The following FRMPD3 variants were observed in gnomAD, a reference collection of about 807,000 sequenced individuals.
FRMPD3 encodes FERM and PDZ domain containing 3.
FRMPD3 carries 42 observed loss-of-function variants against 97.9 expected under a neutral mutation model. The observed-to-expected ratio is 0.43, with a 90% CI of 0.34 to 0.55. FRMPD3 has a LOEUF of 0.55. Among genes scored for constraint, FRMPD3 ranks in the 20% least tolerant of loss-of-function variants. FRMPD3 has a pLI of 0.03. For synonymous variants in FRMPD3, 577 were observed against 581.1 expected, an observed-to-expected ratio of 0.99 and a Z score of 0.10; for missense variants, 1,303 against 1,457.7, an observed-to-expected ratio of 0.89 and a Z score of 1.73.
intron 13 of FRMPD3, among the ~76,000 whole-genome samples, chrX:107,590,351 A>AAAAG (rs200194961): frequency 0.069 from 7,530 of 108,981 alleles, 516 homozygotes; most frequent in African/African-American, 0.2. Flanking sequence ...GACTAAAAAG[A>AAAAG]AAAGAAAGAA....
chrX:107,494,616 A>T lies in FRMPD3; in HGVS notation c.-7-31966A>T, dbSNP rs187622697. Among the ~76,000 whole-genome samples the T allele has an allele frequency of 5.9e-4, 66 of 111,178 alleles. 1 individual carries two copies. Among genetic ancestry groups the T allele is most frequent in the Non-Finnish European group, 9.1e-4 (48 of 52,945 alleles). The stretch of plus-strand genomic sequence containing the variant: ...TGGGTGTAGATGAGTAATAGCTATA[A>T]TTTCTTGAGCAGTTATTAAGTGCTG... On this transcript the variant is annotated intron_variant, in intron 1 of 14. Transcript: ENST00000683843.
chrX:107,576,472 C>T lies in FRMPD3; in HGVS notation c.1441+13C>T. 1 of 1,208,209 alleles carries T rather than the reference C, an allele frequency of 8.3e-7. No individual in the cohort carries two copies. The highest frequency in any genetic ancestry group is 1.1e-6 in the Non-Finnish European group (1 of 894,331). ...ATGATCAAGGCAGGTAGGGCTCAAC[C>T]TCGGTTGGTTTTTGCTGTGCCAGAG... is the stretch of plus-strand genomic sequence containing the variant. On this transcript the variant is annotated intron_variant, in intron 13 of 14. Transcript: ENST00000683843.
At chrX:107,592,471 G>A (rs930211272) in intron 13 of FRMPD3, among the ~76,000 whole-genome samples, 2 of 111,262 alleles carry the variant, frequency 1.8e-5, no homozygotes, top group Admixed American at 1.9e-4. Flanking sequence ...AAAGTGCTGG[G>A]ATTACAGACA....
intron 1 of FRMPD3, among the ~76,000 whole-genome samples, chrX:107,453,071 T>A (rs1055492157): frequency 9.0e-6 from 1 of 111,065 alleles, no homozygotes; most frequent in Non-Finnish European, 1.9e-5. Context: ...GCATAAATGA[T>A]TGGACTCCGT....
rs796610991 is a variant in FRMPD3 at position 107,572,908 on chromosome X, C to CTACTACTACTACTACTAA, written c.1297-3405_1297-3404insCTACTACTACTACTAATA. On this transcript the variant is annotated intron_variant, in intron 12 of 14. Coordinates refer to ENST00000683843, the MANE Select transcript of FRMPD3 (RefSeq NM_001388459.1). ...ACTACTACTACTACTACTACTACTACTAATAATAATAATAATAATAAAGTA... is the reference window on the plus strand; with the variant it reads ...ACTACTACTACTACTACTACTACTACTACTACTACTACTACTAATAATAATAATAATAATAATAAAGTA... 5.5e-3 allele frequency among the ~76,000 whole-genome samples: 560 copies of CTACTACTACTACTACTAA among 100,950 alleles called. 5 individuals are homozygous for CTACTACTACTACTACTAA. Among genetic ancestry groups the CTACTACTACTACTACTAA allele is most frequent in the African/African-American group, 0.02 (527 of 26,724 alleles). 87.7% of individuals were successfully genotyped at this position (100,950 alleles called of 115,157 possible).
In FRMPD3 at chrX:107,603,430, T is replaced by C; in HGVS notation, c.*57T>C. On this transcript the variant is annotated 3_prime_UTR_variant, in exon 15 of 15. Coordinates refer to ENST00000683843, the MANE Select transcript of FRMPD3 (RefSeq NM_001388459.1). ...ACCATGGCCCCAGGTTTGAGCTTTG[T>C]GGTCCTTGCATCTTGTGGTGAGTGT... 9.9e-6 allele frequency: 11 copies of C among 1,115,232 alleles called. No individual in the cohort carries two copies. Among genetic ancestry groups the C allele is most frequent in the Non-Finnish European group, 1.3e-5 (11 of 847,462 alleles). 91.9% of individuals were successfully genotyped at this position (1,115,232 alleles called of 1,213,427 possible). A position where few individuals can be genotyped will look rare whatever the true frequency, so the allele number is the denominator to read the frequency against.
At chrX:107,530,292 C>A in intron 2 of FRMPD3, 117 bp from the exon 3 acceptor site, 2 of 521,546 alleles carry the variant, frequency 3.8e-6, no homozygotes, top group Non-Finnish European at 3.3e-6. Flanking sequence ...GCTCAGCCTG[C>A]ACCATCTCCA....
chrX:107,573,553 C>T (rs910276113), intron 12 of FRMPD3, among the ~76,000 whole-genome samples: 1 of 111,778 alleles, frequency 8.9e-6, no homozygotes, highest in Non-Finnish European at 1.9e-5. Flanking sequence ...CCTTCTACCC[C>T]TTCCTAATAA....
chrX:107,549,612 C>T (rs904551919), intron 5 of FRMPD3, among the ~76,000 whole-genome samples: 10 of 111,534 alleles, frequency 9.0e-5, no homozygotes, highest in African/African-American at 3.3e-4. Context: ...GTGATCTTGG[C>T]TTGTGAAGGG....
chrX:107,533,434 T>C, intron 3 of FRMPD3, 71 bp from the exon 4 acceptor site: 1 of 925,354 alleles, frequency 1.1e-6, no homozygotes. Context: ...AAGATTCTGG[T>C]GTTGCTTCTT....
In FRMPD3 at chrX:107,604,313, TG is replaced by T. The variant is rs1202115934; in HGVS notation, c.*946del. 6.2e-5 allele frequency: 1 copy of T among 16,012 alleles called. No homozygotes were observed. Among genetic ancestry groups the T allele is most frequent in the Non-Finnish European group, 1.1e-4 (1 of 8,775 alleles). The allele number at this position is 16,012 out of a possible 1,213,427, so 1.3% of individuals were successfully genotyped here. On this transcript the variant is annotated 3_prime_UTR_variant, in exon 15 of 15. Coordinates refer to ENST00000683843, the MANE Select transcript of FRMPD3 (RefSeq NM_001388459.1). The stretch of plus-strand genomic sequence containing the variant: ...GGGGGAGGGGGGAAAGGGGTAGGGG[TG>T]GGGGGTGTTGATGACTATATCTTAA...
At chrX:107,486,493 G>A (rs1256756587) in intron 1 of FRMPD3, among the ~76,000 whole-genome samples, 1 of 112,229 alleles carries the variant, frequency 8.9e-6, no homozygotes, top group East Asian at 2.8e-4. Flanking sequence ...TTATATTTAG[G>A]TCTTTGGTCC....
At chrX:107,459,830 G>A (rs774151124) in intron 1 of FRMPD3, among the ~76,000 whole-genome samples, 1 of 110,509 alleles carries the variant, frequency 9.0e-6, no homozygotes, top group South Asian at 3.9e-4. Flanking sequence ...GGAACAGATG[G>A]CTAGATTGGT....
At chrX:107,498,152 G>A (rs922764881) in intron 1 of FRMPD3, among the ~76,000 whole-genome samples, 2 of 112,399 alleles carry the variant, frequency 1.8e-5, no homozygotes, top group Admixed American at 9.4e-5. Flanking sequence ...AGAATCATCC[G>A]GCTTTTCAAA....
intron 13 of FRMPD3, among the ~76,000 whole-genome samples, chrX:107,580,460 T>C (rs16985257): frequency 0.037 from 4,133 of 111,632 alleles, 170 homozygotes; most frequent in African/African-American, 0.13. Flanking sequence ...CTTGACAGTC[T>C]AGTGCTTAGA....
At chrX:107,473,499 G>A (rs773437670) in intron 1 of FRMPD3, among the ~76,000 whole-genome samples, 12 of 112,145 alleles carry the variant, frequency 1.1e-4, no homozygotes, top group Non-Finnish European at 2.1e-4. Context: ...GGATGTGATA[G>A]AGGTAGATAC....
intron 14 of FRMPD3, among the ~76,000 whole-genome samples, chrX:107,598,701 A>G (rs1413104989): frequency 8.9e-6 from 1 of 112,043 alleles, no homozygotes; most frequent in Non-Finnish European, 1.9e-5. Context: ...ACCTCATTCC[A>G]TCATCTTAAA....
rs777556477 is a variant in FRMPD3 at position 107,601,253 on chromosome X, T to C, written c.3214T>C (p.Ser1072Pro). 2 of 1,208,187 alleles carry C rather than the reference T, an allele frequency of 1.7e-6. No individual in the cohort carries two copies. The highest frequency in any genetic ancestry group is 2.2e-6 in the Non-Finnish European group (2 of 893,792). ...KSYLLRTSRE[S>P]VGKQATGEVA... ...CTATCTTTTGCGAACAAGCCGAGAG[T>C]CAGTGGGCAAGCAAGCTACAGGGGA... Residue 1072 changes from serine (S) to proline (P), a missense_variant, in exon 15 of 15, where the codon TCA becomes CCA. By Grantham distance (74) the Ser-to-Pro change is moderately conservative. Around this residue, in one of 3 missense-constraint regions of FRMPD3, gnomAD observed 764 missense variants for 820.2 expected, o/e 0.93. Coordinates refer to ENST00000683843, the MANE Select transcript of FRMPD3 (RefSeq NM_001388459.1).
chrX:107,563,272 G>A (rs1383212231), intron 11 of FRMPD3, 72 bp downstream of exon 11: 2 of 851,345 alleles, frequency 2.3e-6, no homozygotes, highest in Non-Finnish European at 1.7e-6. Context: ...TGTGGGGGCA[G>A]GAGGGGCAAA....
Sources: gnomAD v4.1 joint callset for allele counts (sites outside exome capture counted in the v4.1 genomes callset) on GRCh38, gnomAD v4.1.1 for gene constraint, gnomAD v4.1.1 regional missense constraint, MANE v1.5 for transcripts, NCBI Gene and HGNC (gene_info 2026-07-23, HGNC 2026-07-21) for gene names.